Variants in ATP6V1F observed in about 807,000 individuals in gnomAD.
ATP6V1F encodes the protein V-type proton ATPase subunit F.
ATP6V1F carries 4 observed loss-of-function variants against 6.6 expected under a neutral mutation model. The observed-to-expected ratio is 0.60, with a 90% CI of 0.30 to 1.38. ATP6V1F has a LOEUF of 1.38. Among genes scored for constraint, ATP6V1F ranks in the 40% most tolerant of loss-of-function variants. ATP6V1F has a pLI of 0.08. For missense variants in ATP6V1F, 136 were observed against 165.5 expected (o/e 0.82, Z 0.98); for synonymous variants, 68 against 66.9 (o/e 1.02, Z -0.08).
Position 128,865,635 on chromosome 7 carries a change from C to T in ATP6V1F, c.*57C>T. The T allele has an allele frequency of 6.6e-7, 1 of 1,520,764 alleles. No homozygotes were observed. The allele number at this position is 1,520,764 out of a possible 1,614,324, so 94.2% of individuals were successfully genotyped here. ...GTTTCCAGGCCTCTCCCCAGGCTTGCCATCAGCCTTCTTTACTTTTTGAGC... is the reference window on the plus strand; with the variant it reads ...GTTTCCAGGCCTCTCCCCAGGCTTGTCATCAGCCTTCTTTACTTTTTGAGC... On this transcript the variant is annotated 3_prime_UTR_variant, in exon 2 of 2. Coordinates refer to ENST00000249289, the MANE Select transcript of ATP6V1F (RefSeq NM_004231.4). The surrounding 1 kb of genome is among the most constrained non-coding windows in gnomAD (Gnocchi z 4.4).
In ATP6V1F at chr7:128,865,562, C is replaced by T. The variant is rs761984448; in HGVS notation, c.344C>T (p.Ala115Val). The change falls in exon 2 of 2, where the codon GCC (alanine) becomes GTC (valine). Residue 115 changes from alanine to valine, a missense_variant. Coordinates refer to ENST00000249289, the MANE Select transcript of ATP6V1F (RefSeq NM_004231.4). The surrounding 1 kb of genome is among the most constrained non-coding windows in gnomAD (Gnocchi z 4.4). ...CGCAGGGCCAGGGGCATGTTCACTG[C>T]CGAAGACCTGCGCTAGGGGACTCCT... Reference protein sequence around the residue: ...ILRRARGMFTAEDLR With the variant: ...ILRRARGMFTVEDLR 5 of 1,613,884 alleles carry T rather than the reference C, an allele frequency of 3.1e-6. No individual in the cohort carries two copies. The South Asian group carries it at 4.4e-5, about 14-fold the overall frequency.
intron 1 of ATP6V1F, 109 bp downstream of exon 1, chr7:128,863,171 C>A: frequency 7.1e-7 from 1 of 1,405,434 alleles, no homozygotes; most frequent in Non-Finnish European, 9.6e-7. Flanking sequence ...GAAAGTCCTT[C>A]CGCCCTTCCG....
chr7:128,863,253 C>T (rs944351487), intron 1 of ATP6V1F, among the ~76,000 whole-genome samples, 191 bp downstream of exon 1: 1 of 152,042 alleles, frequency 6.6e-6, no homozygotes, highest in African/African-American at 2.4e-5. Flanking sequence ...GGTCCACGAG[C>T]CCCCCCACCT....
chr7:128,864,026 C>T (rs1436475939), intron 1 of ATP6V1F, among the ~76,000 whole-genome samples: 2 of 152,296 alleles, frequency 1.3e-5, no homozygotes, highest in Middle Eastern at 3.4e-3. Flanking sequence ...GGTGGGTGCT[C>T]AGTAAGTAAT....
At chr7:128,863,252 G>GC (rs912868975) in intron 1 of ATP6V1F, among the ~76,000 whole-genome samples, 190 bp downstream of exon 1, 11 of 152,132 alleles carry the variant, frequency 7.2e-5, no homozygotes, top group Middle Eastern at 3.4e-3. Context: ...AGGTCCACGA[G>GC]CCCCCCCACC....
chr7:128,863,368 T>TC (rs1425259722), intron 1 of ATP6V1F, among the ~76,000 whole-genome samples: 1 of 152,142 alleles, frequency 6.6e-6, no homozygotes, highest in Non-Finnish European at 1.5e-5. Flanking sequence ...CTCACCATCG[T>TC]CCCGTAAGGC....
At chr7:128,864,883 AGG>A (rs1464548598) in intron 1 of ATP6V1F, 4 of 493,388 alleles carry the variant, frequency 8.1e-6, no homozygotes, top group Non-Finnish European at 1.5e-5. Flanking sequence ...AGAGAGAGAG[AGG>A]GAGATGGGGG....
intron 1 of ATP6V1F, among the ~76,000 whole-genome samples, chr7:128,863,861 C>T (rs1234251107): frequency 6.6e-6 from 1 of 152,170 alleles, no homozygotes; most frequent in Non-Finnish European, 1.5e-5. Context: ...TTAGGTAGTC[C>T]CTGACCTGGG....
chr7:128,865,443 G>T lies in ATP6V1F; in HGVS notation c.225G>T (p.Arg75=). 1 of 1,614,166 alleles carries T rather than the reference G, an allele frequency of 6.2e-7. No homozygotes were observed. ...LINQYIAEMV[R]HALDAHQQSI... ...ACCAGTACATCGCAGAGATGGTGCG[G>T]CATGCCCTGGACGCCCACCAGCAGT... Residue 75 remains arginine, a synonymous_variant, in exon 2 of 2, where the codon CGG becomes CGT. Transcript: ENST00000249289. This position sits in a 1 kb window ranked among gnomAD's most constrained non-coding sequence, Gnocchi z 4.4.
Position 128,865,684 on chromosome 7 carries a change from CT to C in ATP6V1F, c.*108del. The C allele has an allele frequency of 8.0e-7, 1 of 1,245,978 alleles. No individual in the cohort carries two copies. Among genetic ancestry groups the C allele is most frequent in the Admixed American group, 2.5e-5 (1 of 40,410 alleles). 77.2% of individuals were successfully genotyped at this position (1,245,978 alleles called of 1,614,324 possible). On this transcript the variant is annotated 3_prime_UTR_variant, in exon 2 of 2. Transcript: ENST00000249289. This position sits in a 1 kb window ranked among gnomAD's most constrained non-coding sequence, Gnocchi z 4.4. ...GCCTCTGATTTCCAATTCCCTGCTC[CT>C]TCCCACTCCATTAAGAGGCTAGGTG... is the stretch of plus-strand genomic sequence containing the variant.
chr7:128,865,106 A>G lies in ATP6V1F; in HGVS notation c.159-271A>G, dbSNP rs1430579129. On this transcript the variant is annotated intron_variant, in intron 1 of 1. Transcript: ENST00000249289. This position sits in a 1 kb window ranked among gnomAD's most constrained non-coding sequence, Gnocchi z 4.4. ...AATACACCAGTGTGCACCCTAATCA[A>G]TCTTCATTACCAGTTCACTTGGAAG... is the stretch of plus-strand genomic sequence containing the variant. 1.3e-6 allele frequency: 2 copies of G among 1,534,368 alleles called. No homozygotes were observed. The highest frequency in any genetic ancestry group is 2.0e-5 in the Admixed American group (1 of 50,998).
chr7:128,864,019 G>T (rs975757450), intron 1 of ATP6V1F, among the ~76,000 whole-genome samples: 21 of 152,190 alleles, frequency 1.4e-4, no homozygotes, highest in African/African-American at 4.6e-4. Flanking sequence ...GGCAGGGGGT[G>T]GGTGCTCAGT....
Position 128,865,318 on chromosome 7 carries a change from G to A in ATP6V1F, c.159-59G>A. 1 of 1,600,872 alleles carries A rather than the reference G, an allele frequency of 6.2e-7. No individual in the cohort carries two copies. The highest frequency in any genetic ancestry group is 1.1e-5 in the South Asian group (1 of 90,282). On this transcript the variant is annotated intron_variant, in intron 1 of 1. Transcript: ENST00000249289. The surrounding 1 kb of genome is among the most constrained non-coding windows in gnomAD (Gnocchi z 4.4). ...CAACAACTCGGAGAGGGCTGCCTGG[G>A]TAGGAGAGACGGCAGCCCCCAGAGC...
At chr7:128,863,272 C>T (rs1483751515) in intron 1 of ATP6V1F, among the ~76,000 whole-genome samples, 2 of 152,130 alleles carry the variant, frequency 1.3e-5, no homozygotes, top group African/African-American at 2.4e-5. Context: ...CTCACATGAT[C>T]GTGTGTCATG....
intron 1 of ATP6V1F, among the ~76,000 whole-genome samples, chr7:128,863,292 G>C (rs76180727): frequency 0.019 from 2,920 of 152,298 alleles, 79 homozygotes; most frequent in African/African-American, 0.059. Context: ...GAAAGAAGGG[G>C]AACAGAGCTC....
rs1809366332 is a variant in ATP6V1F, at chr7:128,865,324, G to A, written c.159-53G>A. On this transcript the variant is annotated intron_variant, in intron 1 of 1. Coordinates refer to ENST00000249289, the MANE Select transcript of ATP6V1F (RefSeq NM_004231.4). The surrounding 1 kb of genome is among the most constrained non-coding windows in gnomAD (Gnocchi z 4.4). Reference sequence around the variant, plus strand: ...CTCGGAGAGGGCTGCCTGGGTAGGAGAGACGGCAGCCCCCAGAGCTGTCCT... The same window carrying A: ...CTCGGAGAGGGCTGCCTGGGTAGGAAAGACGGCAGCCCCCAGAGCTGTCCT... The A allele has an allele frequency of 4.4e-6, 7 of 1,604,136 alleles. No individual in the cohort carries two copies. Among genetic ancestry groups the A allele is most frequent in the Non-Finnish European group, 6.0e-6 (7 of 1,172,406 alleles).
chr7:128,864,913 T>G, intron 1 of ATP6V1F: 5 of 547,418 alleles, frequency 9.1e-6, no homozygotes, highest in Admixed American at 2.8e-5. Context: ...ATGTGGCCCA[T>G]TCTGGTCTCA....
chr7:128,865,530 C>T lies in ATP6V1F; in HGVS notation c.312C>T (p.Ser104=), dbSNP rs1297162442. ...ACCCATATGACGCCGCCAAGGACTC[C>T]ATCCTGCGCAGGGCCAGGGGCATGT... ...KEHPYDAAKD[S]ILRRARGMFT... is the part of the protein sequence containing the mutation. Residue 104 remains serine, a synonymous_variant, in exon 2 of 2, where the codon TCC becomes TCT. Coordinates refer to ENST00000249289, the MANE Select transcript of ATP6V1F (RefSeq NM_004231.4). The surrounding 1 kb of genome is among the most constrained non-coding windows in gnomAD (Gnocchi z 4.4). 3 of 1,614,002 alleles carry T rather than the reference C, an allele frequency of 1.9e-6. No individual in the cohort carries two copies. The highest frequency in any genetic ancestry group is 2.7e-5 in the African/African-American group (2 of 74,954).
chr7:128,864,938 A>G, intron 1 of ATP6V1F: 2 of 604,870 alleles, frequency 3.3e-6, no homozygotes, highest in South Asian at 1.8e-5. Context: ...CCTGGGTTCA[A>G]GCAATCCACC....
Sources: allele counts gnomAD v4.1 joint callset (sites outside exome capture counted in the v4.1 genomes callset), GRCh38; gene constraint gnomAD v4.1.1; non-coding constraint Gnocchi (gnomAD v3.1); transcripts MANE v1.5; gene names NCBI Gene and HGNC (gene_info 2026-07-23, HGNC 2026-07-21).